Variants in GUCY1A2 observed in about 807,000 individuals in gnomAD.
The protein encoded by GUCY1A2 is guanylate cyclase soluble subunit alpha-2.
In GUCY1A2, 27 loss-of-function variants were observed where a neutral mutation model predicts 63.5. That is an observed-to-expected ratio of 0.43 (90% confidence interval 0.31 to 0.59). GUCY1A2 has a LOEUF of 0.59. GUCY1A2 is among the 20% of genes least tolerant of loss of function. GUCY1A2 has a pLI of 0.11. For synonymous variants in GUCY1A2, 364 were observed against 343.5 expected (o/e 1.06, Z -0.66); for missense variants, 768 against 913.3 (o/e 0.84, Z 2.05).
chr11:106,938,904 T>C (rs1318250087), intron 4 of GUCY1A2, among the ~76,000 whole-genome samples: 1 of 152,188 alleles, frequency 6.6e-6, no homozygotes, highest in Non-Finnish European at 1.5e-5. Context: ...TCTAAAGCAA[T>C]GAATCTCTAT....
At chr11:106,744,732 C>T (rs1863757040) in intron 6 of GUCY1A2, among the ~76,000 whole-genome samples, 1 of 152,084 alleles carries the variant, frequency 6.6e-6, no homozygotes, top group African/African-American at 2.4e-5. Flanking sequence ...AGTAATTTGT[C>T]ATCATAGAAT....
chr11:106,803,457 A>T (rs952503254), intron 5 of GUCY1A2, among the ~76,000 whole-genome samples: 1 of 152,164 alleles, frequency 6.6e-6, no homozygotes, highest in Non-Finnish European at 1.5e-5. Flanking sequence ...CCAAATAAAT[A>T]AGCATTTTAT....
intron 4 of GUCY1A2, among the ~76,000 whole-genome samples, chr11:106,904,146 T>C (rs1313787195): frequency 1.3e-5 from 2 of 152,158 alleles, no homozygotes; most frequent in African/African-American, 4.8e-5. Context: ...AAAAAATTTA[T>C]AAAACAATAT....
At chr11:106,700,073 T>TAC (rs1862792991) in intron 7 of GUCY1A2, among the ~76,000 whole-genome samples, 1 of 152,192 alleles carries the variant, frequency 6.6e-6, no homozygotes, top group South Asian at 2.1e-4. Context: ...TTTCCAGACA[T>TAC]ACTCTTCATT....
At chr11:106,854,236 A>G (rs11524439) in intron 4 of GUCY1A2, among the ~76,000 whole-genome samples, 23,524 of 152,190 alleles carry the variant, frequency 0.15, 1,951 homozygotes, top group Admixed American at 0.21. Context: ...CAGTGGCAGG[A>G]CAGCCTTGGG....
At chr11:106,909,392 C>CGTGTGTGTGTGTGTGTGTGTGTGTGT (rs1408056529) in intron 4 of GUCY1A2, among the ~76,000 whole-genome samples, 13 of 135,680 alleles carry the variant, frequency 9.6e-5, no homozygotes, top group Admixed American at 1.5e-4. Context: ...TGTGTGTGTA[C>CGTGTGTGTGTGTGTGTGTGTGTGTGT]GCTTTTCATT....
At chr11:106,848,921 A>C (rs972716710) in intron 4 of GUCY1A2, among the ~76,000 whole-genome samples, 1 of 151,626 alleles carries the variant, frequency 6.6e-6, no homozygotes, top group Non-Finnish European at 1.5e-5. Context: ...TGAGAGGAAA[A>C]GTTACGTTTT....
chr11:107,004,698 T>C (rs1019683256), intron 1 of GUCY1A2, among the ~76,000 whole-genome samples: 1 of 152,108 alleles, frequency 6.6e-6, no homozygotes. Context: ...ATGAAAAGAA[T>C]AAACAAACAG....
intron 4 of GUCY1A2, among the ~76,000 whole-genome samples, chr11:106,871,707 G>A (rs531861083): frequency 1.3e-5 from 2 of 152,160 alleles, no homozygotes; most frequent in South Asian, 4.1e-4. Context: ...ATATTTCTGG[G>A]ACTCAACAAA....
intron 6 of GUCY1A2, among the ~76,000 whole-genome samples, chr11:106,728,147 A>G (rs1009423416): frequency 2.6e-5 from 4 of 152,166 alleles, no homozygotes; most frequent in Admixed American, 1.3e-4. Context: ...AAATAATTTC[A>G]TATTTCTGGG....
chr11:106,775,297 G>C (rs1184849086), intron 6 of GUCY1A2, among the ~76,000 whole-genome samples: 2 of 152,004 alleles, frequency 1.3e-5, no homozygotes, highest in African/African-American at 4.8e-5. Flanking sequence ...GGTTTATCAA[G>C]AACAACTAAA....
chr11:106,957,427 G>C (rs1018049033), intron 3 of GUCY1A2, among the ~76,000 whole-genome samples: 1 of 152,156 alleles, frequency 6.6e-6, no homozygotes, highest in African/African-American at 2.4e-5. Context: ...CCCTGGTGGC[G>C]TGGGTTCACG....
At chr11:106,736,430 G>C (rs935530655) in intron 6 of GUCY1A2, among the ~76,000 whole-genome samples, 4 of 152,070 alleles carry the variant, frequency 2.6e-5, no homozygotes, top group Non-Finnish European at 4.4e-5. Flanking sequence ...TGGCAAAAAT[G>C]AGTTAACTAC....
At chr11:107,006,060 T>G (rs1236089462) in intron 1 of GUCY1A2, among the ~76,000 whole-genome samples, 1 of 152,182 alleles carries the variant, frequency 6.6e-6, no homozygotes, top group Admixed American at 6.5e-5. Flanking sequence ...ATCTTCATAA[T>G]CCTATGAATT....
At chr11:106,746,969 A>T (rs530271700) in intron 6 of GUCY1A2, among the ~76,000 whole-genome samples, 1 of 152,236 alleles carries the variant, frequency 6.6e-6, no homozygotes, top group East Asian at 1.9e-4. Flanking sequence ...GTCCTTTAAG[A>T]ATCAAAAGAT....
chr11:106,929,628 T>G (rs1353230827), intron 4 of GUCY1A2, among the ~76,000 whole-genome samples: 1 of 152,178 alleles, frequency 6.6e-6, no homozygotes, highest in Non-Finnish European at 1.5e-5. Flanking sequence ...AAGTTTGGGT[T>G]CCCTTTATGA....
intron 1 of GUCY1A2, among the ~76,000 whole-genome samples, chr11:106,997,992 T>C (rs1048466664): frequency 3.9e-5 from 6 of 152,126 alleles, no homozygotes; most frequent in African/African-American, 1.2e-4. Flanking sequence ...AATAAAGTGA[T>C]GTCACTAATG....
chr11:106,795,276 C>T (rs970654196), intron 5 of GUCY1A2, among the ~76,000 whole-genome samples: 1 of 152,170 alleles, frequency 6.6e-6, no homozygotes, highest in Non-Finnish European at 1.5e-5. Context: ...CTCATCTGGG[C>T]TCTCTCTGAT....
At chr11:106,837,516 C>A (rs544200145) in intron 4 of GUCY1A2, among the ~76,000 whole-genome samples, 7 of 151,812 alleles carry the variant, frequency 4.6e-5, no homozygotes, top group Non-Finnish European at 8.8e-5. Flanking sequence ...ACCCAGTAAT[C>A]GGATTGCTGG....
Sources: gnomAD v4.1 joint callset for allele counts (sites outside exome capture counted in the v4.1 genomes callset) on GRCh38, gnomAD v4.1.1 for gene constraint, MANE v1.5 for transcripts, NCBI Gene and HGNC (gene_info 2026-07-23, HGNC 2026-07-21) for gene names.